MAB21L4: variants seen among roughly 807,000 people sequenced by gnomAD.
MAB21L4 encodes the protein mab-21 like 4.
MAB21L4 carries 25 observed loss-of-function variants against 32.4 expected under a neutral mutation model. That is an observed-to-expected ratio of 0.77 (90% CI 0.56 to 1.08). The LOEUF (loss-of-function observed/expected upper bound fraction) is 1.08, where lower values mean the gene tolerates loss of function less well. Ranked by LOEUF, MAB21L4 falls within the 50% of genes least tolerant of loss-of-function variation. The pLI is 0.00. For missense variants in MAB21L4, 638 were observed against 611.0 expected (o/e 1.04, Z -0.47); for synonymous variants, 280 against 276.8 (o/e 1.01, Z -0.11).
chr2:240,887,155 A>T lies in MAB21L4; in HGVS notation c.1259T>A (p.Val420Asp), dbSNP rs1469161608. The change falls in exon 5 of 5, where the codon GTC becomes GAC. Residue 420 changes from valine (V) to aspartate (D), a missense_variant. Physicochemically the swap from Val to Asp is radical, Grantham distance 152. Coordinates refer to ENST00000388934, the MANE Select transcript of MAB21L4 (RefSeq NM_001085437.3). ...YFDVLLDKFQ[V>D]FNIQDKDRIS... Reference sequence around the variant, plus strand: ...CCGGTCCTTATCCTGGATGTTGAAGACCTGGAACTACAGGCAGGGTTGCAG... The same window carrying T: ...CCGGTCCTTATCCTGGATGTTGAAGTCCTGGAACTACAGGCAGGGTTGCAG... 1 of 1,613,894 alleles carries T rather than the reference A, an allele frequency of 6.2e-7. No homozygotes were observed. The highest frequency in any genetic ancestry group is 2.2e-5 in the East Asian group (1 of 44,870).
At chr2:240,888,137 T>C (rs1219433428) in intron 4 of MAB21L4, among the ~76,000 whole-genome samples, 155 bp downstream of exon 4, 2 of 152,164 alleles carry the variant, frequency 1.3e-5, no homozygotes, top group Non-Finnish European at 2.9e-5. Context: ...AGACATCACA[T>C]GTCCCCGCAG....
At chr2:240,887,219 G>A in intron 4 of MAB21L4, 57 bp from the exon 5 acceptor site, 2 of 1,422,632 alleles carry the variant, frequency 1.4e-6, no homozygotes, top group South Asian at 1.2e-5. Flanking sequence ...CCCATGATAA[G>A]CTCTCAGGGC....
intron 1 of MAB21L4, among the ~76,000 whole-genome samples, chr2:240,894,107 G>A (rs1453874790): frequency 2.0e-5 from 3 of 151,784 alleles, no homozygotes; most frequent in Admixed American, 6.6e-5. Context: ...TATGTGCGGC[G>A]GTGGCAGCAC....
chr2:240,891,881 C>T (rs762926101), intron 1 of MAB21L4, 118 bp from the exon 2 acceptor site: 4 of 1,576,728 alleles, frequency 2.5e-6, no homozygotes, highest in African/African-American at 1.4e-5. Context: ...ACCTGCAGCC[C>T]TCTCTGCTGG....
chr2:240,893,802 G>A (rs1279901052), intron 1 of MAB21L4, among the ~76,000 whole-genome samples: 6 of 152,160 alleles, frequency 3.9e-5, no homozygotes, highest in Admixed American at 1.3e-4. Context: ...GGCCTGGCAC[G>A]GCCTCCTGCT....
Position 240,896,009 on chromosome 2 carries a change from T to A in MAB21L4, c.-12A>T. The stretch of plus-strand genomic sequence containing the variant: ...GCAGGGGCAGGCATCCCTTCAACAG[T>A]GGCAGGTGAGGGCCAGTGGCCCCTG... On this transcript the variant is annotated 5_prime_UTR_variant, in exon 1 of 5. Transcript: ENST00000388934. 1 of 1,433,626 alleles carries A rather than the reference T, an allele frequency of 7.0e-7. No homozygotes were observed. The highest frequency in any genetic ancestry group is 9.1e-7 in the Non-Finnish European group (1 of 1,098,350). 88.8% of individuals were successfully genotyped at this position (1,433,626 alleles called of 1,614,324 possible).
intron 1 of MAB21L4, among the ~76,000 whole-genome samples, chr2:240,893,864 C>A (rs943854795): frequency 2.0e-5 from 3 of 151,766 alleles, no homozygotes; most frequent in Non-Finnish European, 2.9e-5. Flanking sequence ...CAAGTGAGGT[C>A]GGGAAGAAGA....
rs373507498 is a variant in MAB21L4, at chr2:240,895,633, C to T, written c.365G>A (p.Arg122Gln). The change falls in exon 1 of 5, where the codon CGG becomes CAG. Residue 122 changes from arginine (R) to glutamine (Q), a missense_variant. Physicochemically the swap from Arg to Gln is conservative, Grantham distance 43. Transcript: ENST00000388934. ...AGTGAAGGTATCCTCGGTGGTCCAC[C>T]GCTCCAGGCCAGCCCCTTCCCTGGG... ...GVPREGAGLERWTTEDTFTAS... is the reference protein window; with the variant it reads ...GVPREGAGLEQWTTEDTFTAS... 9.9e-6 allele frequency: 16 copies of T among 1,612,744 alleles called. No individual in the cohort carries two copies. The highest frequency in any genetic ancestry group is 6.7e-5 in the East Asian group (3 of 44,842).
intron 1 of MAB21L4, 180 bp from the exon 2 acceptor site, chr2:240,891,943 T>C: frequency 6.4e-7 from 1 of 1,563,668 alleles, no homozygotes; most frequent in Non-Finnish European, 8.7e-7. Context: ...TGTCCATCCC[T>C]GGACCTCAGC....
chr2:240,889,918 A>G, intron 3 of MAB21L4, 87 bp downstream of exon 3: 1 of 1,449,702 alleles, frequency 6.9e-7, no homozygotes, highest in Non-Finnish European at 9.3e-7. Flanking sequence ...GCTGCCTGCC[A>G]GTCAGGGCTG....
At chr2:240,893,488 G>A (rs1226124525) in intron 1 of MAB21L4, among the ~76,000 whole-genome samples, 2 of 152,222 alleles carry the variant, frequency 1.3e-5, no homozygotes, top group African/African-American at 4.8e-5. Flanking sequence ...GGCCACGCAC[G>A]CTCACTGCCC....
chr2:240,893,370 G>A (rs934007058), intron 1 of MAB21L4, among the ~76,000 whole-genome samples: 5 of 152,204 alleles, frequency 3.3e-5, no homozygotes, highest in African/African-American at 1.2e-4. Flanking sequence ...CCATCCCACA[G>A]GGGCCTCAGT....
At chr2:240,889,866 G>T in intron 3 of MAB21L4, 139 bp downstream of exon 3, 1 of 1,026,778 alleles carries the variant, frequency 9.7e-7, no homozygotes, top group Non-Finnish European at 1.4e-6. Context: ...AACCTGGGCA[G>T]GCCCTCAGAA....
chr2:240,887,214 G>A (rs371372754), intron 4 of MAB21L4, 52 bp from the exon 5 acceptor site: 4 of 1,476,544 alleles, frequency 2.7e-6, no homozygotes, highest in Non-Finnish European at 3.8e-6. Context: ...TGGAGCCCAT[G>A]ATAAGCTCTC....
At chr2:240,890,622 A>G (rs1198827923) in intron 2 of MAB21L4, among the ~76,000 whole-genome samples, 2 of 152,170 alleles carry the variant, frequency 1.3e-5, no homozygotes, top group Non-Finnish European at 2.9e-5. Context: ...TGCTGCGTGC[A>G]TGCTGGATGG....
chr2:240,895,445 T>A (rs751594003), intron 1 of MAB21L4, 39 bp downstream of exon 1: 3 of 1,476,418 alleles, frequency 2.0e-6, no homozygotes, highest in Non-Finnish European at 2.7e-6. Context: ...AGCCCCTCGG[T>A]ACACGCAGAT....
chr2:240,892,080 A>C, intron 1 of MAB21L4: 2 of 1,436,148 alleles, frequency 1.4e-6, no homozygotes, highest in South Asian at 1.5e-5. Context: ...GCCAGGCACC[A>C]CCCTCACCCC....
In MAB21L4 at chr2:240,896,002, T is replaced by G; in HGVS notation, c.-5A>C. On this transcript the variant is annotated 5_prime_UTR_variant, in exon 1 of 5. Coordinates refer to ENST00000388934, the MANE Select transcript of MAB21L4 (RefSeq NM_001085437.3). ...GGGGAGAGCAGGGGCAGGCATCCCTTCAACAGTGGCAGGTGAGGGCCAGTG... is the reference window on the plus strand; with the variant it reads ...GGGGAGAGCAGGGGCAGGCATCCCTGCAACAGTGGCAGGTGAGGGCCAGTG... The G allele has an allele frequency of 6.9e-7, 1 of 1,443,196 alleles. No individual in the cohort carries two copies. The highest frequency in any genetic ancestry group is 2.5e-5 in the East Asian group (1 of 40,466). The allele number at this position is 1,443,196 out of a possible 1,614,324, so 89.4% of individuals were successfully genotyped here. A position where few individuals can be genotyped will look rare whatever the true frequency, so the allele number is the denominator to read the frequency against.
At chr2:240,889,003 A>C (rs2059122078) in intron 3 of MAB21L4, among the ~76,000 whole-genome samples, 4 of 143,588 alleles carry the variant, frequency 2.8e-5, no homozygotes, top group South Asian at 4.4e-4. Context: ...TTGAGCTCCT[A>C]CTCACCCCCT....
Sources: allele counts gnomAD v4.1 joint callset (sites outside exome capture counted in the v4.1 genomes callset), GRCh38; gene constraint gnomAD v4.1.1; transcripts MANE v1.5; gene names NCBI Gene and HGNC (gene_info 2026-07-23, HGNC 2026-07-21).